The following LINGO1 variants were observed in gnomAD, a reference collection of about 807,000 sequenced individuals.
LINGO1 encodes leucine rich repeat and Ig domain containing 1.
A neutral mutation model predicts 37.3 loss-of-function variants in LINGO1; 11 were observed. That is an observed-to-expected ratio of 0.29 (90% CI 0.19 to 0.49). The LOEUF (loss-of-function observed/expected upper bound fraction) is 0.49. LINGO1 is among the 20% of genes least tolerant of loss of function. The pLI, the probability that LINGO1 is intolerant of heterozygous loss-of-function variation, is 0.99. For synonymous variants in LINGO1, 387 were observed against 403.0 expected (o/e 0.96, Z 0.48); for missense variants, 585 against 878.2 (o/e 0.67, Z 4.22).
At chr15:77,789,295 C>T (rs557741241), upstream of LINGO1, among the ~76,000 whole-genome samples, 17 of 152,288 alleles carry the variant, frequency 1.1e-4, no homozygotes, top group East Asian at 5.8e-4. Flanking sequence ...TAATCCAATA[C>T]GACTATTGTG....
intron 1 of LINGO1, among the ~76,000 whole-genome samples, chr15:77,747,378 C>T (rs1028992816): frequency 2.6e-5 from 4 of 152,150 alleles, no homozygotes; most frequent in Admixed American, 2.0e-4. Flanking sequence ...CCATCATGCT[C>T]AGCTCAGCAT....
chr15:77,649,071 A>C (rs2074700758), intron 3 of LINGO1: 1 of 152,212 alleles, frequency 6.6e-6, no homozygotes. Context: ...ACATCCAAGA[A>C]ATGACCCTTA....
chr15:77,764,485 C>T (rs1046189674), intron 1 of LINGO1, among the ~76,000 whole-genome samples: 3 of 152,092 alleles, frequency 2.0e-5, no homozygotes, highest in Non-Finnish European at 4.4e-5. Flanking sequence ...TTCTGCAAAT[C>T]AATAAGAAAA....
intron 1 of LINGO1, among the ~76,000 whole-genome samples, chr15:77,754,664 G>A (rs2076403081): frequency 6.6e-6 from 1 of 152,248 alleles, no homozygotes; most frequent in Admixed American, 6.5e-5. Context: ...GTGGGGCTCT[G>A]AGAAGGAAGA....
chr15:77,811,443 T>G (rs1039144000), intron 1 of LINGO1, among the ~76,000 whole-genome samples: 2 of 152,102 alleles, frequency 1.3e-5, no homozygotes, highest in African/African-American at 4.8e-5. Flanking sequence ...CTGCCTCTCC[T>G]GTGTCTGCCC....
At chr15:77,692,083 T>C (rs901939433) in intron 1 of LINGO1, among the ~76,000 whole-genome samples, 3 of 152,240 alleles carry the variant, frequency 2.0e-5, no homozygotes, top group Admixed American at 6.5e-5. Flanking sequence ...CAGCTGCCCT[T>C]TGTGCCATGA....
chr15:77,766,071 T>C (rs1467682327), intron 1 of LINGO1, among the ~76,000 whole-genome samples: 4 of 151,856 alleles, frequency 2.6e-5, no homozygotes, highest in African/African-American at 7.3e-5. Flanking sequence ...TGAGGGAATC[T>C]CTAATATGAA....
chr15:77,697,027 A>C (rs1355248786), upstream of LINGO1, among the ~76,000 whole-genome samples: 1 of 152,258 alleles, frequency 6.6e-6, no homozygotes, highest in East Asian at 1.9e-4. Context: ...CTAAGGCACA[A>C]GGCAGGGCTT....
At chr15:77,738,754 A>AGAAG (rs1567555820) in intron 1 of LINGO1, among the ~76,000 whole-genome samples, 1 of 116,404 alleles carries the variant, frequency 8.6e-6, no homozygotes, top group Non-Finnish European at 1.8e-5. Flanking sequence ...TGCTGAAGGA[A>AGAAG]GGAAGGAAGG....
intron 2 of LINGO1, among the ~76,000 whole-genome samples, chr15:77,705,196 C>CACACACACACACACACACACACACAG (rs2075835757): frequency 6.6e-6 from 1 of 151,088 alleles, no homozygotes; most frequent in Non-Finnish European, 1.5e-5. Context: ...CACACACACA[C>CACACACACACACACACACACACACAG]ACACACACAC....
chr15:77,643,116 C>T (rs189338937), intron 3 of LINGO1, among the ~76,000 whole-genome samples: 168 of 152,352 alleles, frequency 1.1e-3, no homozygotes, highest in African/African-American at 3.7e-3. Flanking sequence ...AAGAACTCCC[C>T]GTGCCCTGGA....
intron 1 of LINGO1, among the ~76,000 whole-genome samples, chr15:77,796,513 A>C (rs574415370): frequency 1.3e-5 from 2 of 152,354 alleles, no homozygotes; most frequent in Non-Finnish European, 2.9e-5. Flanking sequence ...GAGAGAGAGA[A>C]GGGACACATG....
At chr15:77,631,706 G>A (rs936309450) in intron 1 of LINGO1, among the ~76,000 whole-genome samples, 1 of 152,228 alleles carries the variant, frequency 6.6e-6, no homozygotes, top group Non-Finnish European at 1.5e-5. Context: ...CAGACAAAGG[G>A]GAGGCCCCTA....
At chr15:77,652,481 A>AGTGTGTGTGTGTGTGT (rs1490464576) in intron 3 of LINGO1, among the ~76,000 whole-genome samples, 1 of 56,296 alleles carries the variant, frequency 1.8e-5, no homozygotes, top group Non-Finnish European at 3.5e-5. Context: ...CTGGGGAGGG[A>AGTGTGTGTGTGTGTGT]GAGTGTGTGT....
rs1366713665 is a variant in LINGO1, at chr15:77,777,269, G to C, written c.-257+9600C>G. Among the ~76,000 whole-genome samples, 4 of 152,130 alleles carry C rather than the reference G, an allele frequency of 2.6e-5. No homozygotes were observed. In the East Asian group the frequency reaches 7.7e-4, roughly 29 times the overall value. ...TACTGTCGTTGTTATCATGGTGGGGGGGTCCAACCCCATCACTGTAGGCCT... is the reference window on the plus strand; with the variant it reads ...TACTGTCGTTGTTATCATGGTGGGGCGGTCCAACCCCATCACTGTAGGCCT... On this transcript the variant is annotated intron_variant, in intron 1 of 3. Transcript: ENST00000561686.
chr15:77,754,804 T>C (rs2141372346), intron 1 of LINGO1, among the ~76,000 whole-genome samples: 1 of 152,258 alleles, frequency 6.6e-6, no homozygotes, highest in East Asian at 1.9e-4. Flanking sequence ...TGAGGGTAGG[T>C]CCGGTAGGCA....
At chr15:77,728,745 C>T (rs927396461) in intron 2 of LINGO1, among the ~76,000 whole-genome samples, 3 of 152,240 alleles carry the variant, frequency 2.0e-5, no homozygotes, top group African/African-American at 7.2e-5. Flanking sequence ...GGTTCAAATC[C>T]CCACTCTGCC....
intron 2 of LINGO1, among the ~76,000 whole-genome samples, chr15:77,688,567 A>G (rs1401369424): frequency 4.6e-5 from 7 of 152,178 alleles, no homozygotes; most frequent in Non-Finnish European, 8.8e-5. Flanking sequence ...GGACAGGCTC[A>G]ACCCTGGGCC....
chr15:77,710,154 G>A (rs538039566), intron 2 of LINGO1, among the ~76,000 whole-genome samples: 121 of 152,324 alleles, frequency 7.9e-4, no homozygotes, highest in African/African-American at 2.7e-3. Flanking sequence ...AGGGGCTGCC[G>A]TGGGCTGTCC....
Sources: allele counts gnomAD v4.1 joint callset (sites outside exome capture counted in the v4.1 genomes callset), GRCh38; gene constraint gnomAD v4.1.1; transcripts MANE v1.5; gene names NCBI Gene and HGNC (gene_info 2026-07-23, HGNC 2026-07-21).